The following TRPM3 variants were observed in gnomAD, a reference collection of about 807,000 sequenced individuals.
The protein encoded by TRPM3 is transient receptor potential cation channel subfamily M member 3, also known as long transient receptor potential channel 3.
Under a neutral mutation model 181.2 loss-of-function variants are expected in TRPM3, and 77 were observed. That is an observed-to-expected ratio of 0.42 (90% CI 0.35 to 0.51). The LOEUF is 0.51. Ranked by LOEUF, TRPM3 falls within the 20% of genes least tolerant of loss-of-function variation. TRPM3 has a pLI of 0.01. For missense variants in TRPM3, 1,759 were observed against 2,196.7 expected (o/e 0.80, Z 3.98); for synonymous variants, 745 against 796.4 (o/e 0.94, Z 1.09).
chr9:70,870,198 G>A (rs566501769), intron 1 of TRPM3, among the ~76,000 whole-genome samples: 5 of 152,050 alleles, frequency 3.3e-5, no homozygotes, highest in Admixed American at 6.6e-5. Context: ...ACTGGGAAAC[G>A]AATGACTTAT....
chr9:71,024,119 G>A (rs2097870158), intron 1 of TRPM3, among the ~76,000 whole-genome samples: 1 of 152,124 alleles, frequency 6.6e-6, no homozygotes, highest in Non-Finnish European at 1.5e-5. Context: ...GGATACACGA[G>A]ATCTTTTCAT....
intron 12 of TRPM3, 56 bp downstream of exon 12, chr9:70,635,155 A>G: frequency 1.3e-6 from 2 of 1,512,496 alleles, no homozygotes; most frequent in Non-Finnish European, 1.8e-6. Flanking sequence ...GGCACTCTCT[A>G]ATCACAGGAA....
chr9:71,036,496 C>A (rs186632673), intron 1 of TRPM3, among the ~76,000 whole-genome samples: 4 of 152,186 alleles, frequency 2.6e-5, no homozygotes, highest in Non-Finnish European at 2.9e-5. Flanking sequence ...TTGCCACAGA[C>A]CCCGGTTCAT....
chr9:71,278,403 A>G (rs1055815636), intron 1 of TRPM3, among the ~76,000 whole-genome samples: 22 of 152,248 alleles, frequency 1.4e-4, no homozygotes, highest in African/African-American at 5.1e-4. Context: ...AGTTAGGGAA[A>G]GGTAAGAGCA....
chr9:70,828,744 A>G (rs1324176023), intron 5 of TRPM3, among the ~76,000 whole-genome samples: 1 of 144,338 alleles, frequency 6.9e-6, no homozygotes, highest in Non-Finnish European at 1.5e-5. Flanking sequence ...ACCTATTGCG[A>G]GCTAGTTGCT....
intron 1 of TRPM3, among the ~76,000 whole-genome samples, chr9:71,092,552 A>C (rs2133923568): frequency 6.6e-6 from 1 of 152,260 alleles, no homozygotes; most frequent in African/African-American, 2.4e-5. Context: ...TCTGGTTAGG[A>C]AGGTATTTAC....
intron 22 of TRPM3, among the ~76,000 whole-genome samples, chr9:70,563,050 A>C (rs751179403): frequency 2.6e-5 from 4 of 152,164 alleles, no homozygotes; most frequent in Non-Finnish European, 5.9e-5. Context: ...TGGTGAATGG[A>C]ATGTTAGCAA....
intron 6 of TRPM3, among the ~76,000 whole-genome samples, chr9:70,799,084 C>A (rs186589984): frequency 1.3e-5 from 2 of 152,320 alleles, no homozygotes; most frequent in Admixed American, 1.3e-4. Flanking sequence ...ATCTCGGTCA[C>A]CAGGGAGAAA....
intron 1 of TRPM3, among the ~76,000 whole-genome samples, chr9:71,068,126 T>C (rs1027756331): frequency 6.6e-6 from 1 of 152,212 alleles, no homozygotes; most frequent in Non-Finnish European, 1.5e-5. Context: ...CCCATTCTTA[T>C]GATTCCTGAC....
chr9:70,581,800 G>C (rs2055777800), intron 22 of TRPM3, among the ~76,000 whole-genome samples: 1 of 152,100 alleles, frequency 6.6e-6, no homozygotes, highest in African/African-American at 2.4e-5. Flanking sequence ...GGCCTCAACT[G>C]GTCCTGCTGC....
chr9:70,982,787 A>G (rs770147554), intron 1 of TRPM3, among the ~76,000 whole-genome samples: 1 of 152,104 alleles, frequency 6.6e-6, no homozygotes, highest in Non-Finnish European at 1.5e-5. Context: ...TGCAACCTTC[A>G]CTTTCCAGCT....
intron 1 of TRPM3, among the ~76,000 whole-genome samples, chr9:71,303,946 C>A (rs2087017703): frequency 6.6e-6 from 1 of 151,662 alleles, no homozygotes; most frequent in Non-Finnish European, 1.5e-5. Flanking sequence ...GTGGAACACA[C>A]ACTTGAGGCT....
At chr9:71,112,869 C>T (rs1414475558) in intron 1 of TRPM3, among the ~76,000 whole-genome samples, 1 of 152,140 alleles carries the variant, frequency 6.6e-6, no homozygotes, top group African/African-American at 2.4e-5. Context: ...CTGCGTTGAG[C>T]ATTAAAATAT....
chr9:71,187,903 ATAG>A, intron 1 of TRPM3, among the ~76,000 whole-genome samples: 1 of 99,334 alleles, frequency 1.0e-5, no homozygotes, highest in Non-Finnish European at 2.2e-5. Context: ...AGATAGATAG[ATAG>A]ATAGATAGAT....
intron 1 of TRPM3, among the ~76,000 whole-genome samples, chr9:71,410,830 G>A (rs2093532950): frequency 6.6e-6 from 1 of 152,138 alleles, no homozygotes; most frequent in Non-Finnish European, 1.5e-5. Flanking sequence ...CAATACTCCT[G>A]ATGAACATTG....
At chr9:71,154,091 A>G (rs2075867834) in intron 1 of TRPM3, among the ~76,000 whole-genome samples, 1 of 152,166 alleles carries the variant, frequency 6.6e-6, no homozygotes, top group Non-Finnish European at 1.5e-5. Flanking sequence ...AAACCTTTGG[A>G]GTTTATGATT....
intron 1 of TRPM3, among the ~76,000 whole-genome samples, chr9:71,185,328 A>G (rs1042424194): frequency 3.3e-5 from 5 of 152,288 alleles, no homozygotes; most frequent in South Asian, 4.1e-4. Flanking sequence ...ACTGAAAAGC[A>G]TGATCCCATC....
At chr9:70,640,843 G>A (rs2057952557) in intron 9 of TRPM3, among the ~76,000 whole-genome samples, 183 bp from the exon 10 acceptor site, 2 of 152,028 alleles carry the variant, frequency 1.3e-5, no homozygotes, top group Non-Finnish European at 1.5e-5. Context: ...TTGTCACAGG[G>A]CTCTCCTGTA....
chr9:71,439,610 T>TGGCTCAG (rs2094104464), intron 1 of TRPM3, among the ~76,000 whole-genome samples: 1 of 152,178 alleles, frequency 6.6e-6, no homozygotes. Context: ...TGCAAAATTT[T>TGGCTCAG]GGCTCAGGTC....
Sources: allele counts gnomAD v4.1 joint callset (sites outside exome capture counted in the v4.1 genomes callset), GRCh38; gene constraint gnomAD v4.1.1; transcripts MANE v1.5; gene names NCBI Gene and HGNC (gene_info 2026-07-23, HGNC 2026-07-21).